ARAP2: variants seen among roughly 807,000 people sequenced by gnomAD.
The protein encoded by ARAP2 is arf-GAP with Rho-GAP domain, ANK repeat and PH domain-containing protein 2.
Under a neutral mutation model 194.5 loss-of-function variants are expected in ARAP2, and 148 were observed. The ratio of observed to expected loss-of-function variants is 0.76; its 90% confidence interval spans 0.67 to 0.87. ARAP2 has a LOEUF of 0.87. Among genes scored for constraint, ARAP2 ranks in the 40% least tolerant of loss-of-function variants. The probability of loss-of-function intolerance (pLI) is 0.00; values close to 1 mark genes in which losing one functional copy is unlikely to be tolerated. For synonymous variants in ARAP2, 695 were observed against 683.5 expected, an observed-to-expected ratio of 1.02 and a Z score of -0.26; for missense variants, 2,128 against 1,989.7, an observed-to-expected ratio of 1.07 and a Z score of -1.32.
At chr4:36,014,272 A>AGAAC (rs1715201352) in intron 8 of ARAP2, among the ~76,000 whole-genome samples, 3 of 145,474 alleles carry the variant, frequency 2.1e-5, no homozygotes, top group African/African-American at 7.7e-5. Flanking sequence ...AAAGAAAGAA[A>AGAAC]GAAAGAAAGA....
chr4:36,111,456 C>T (rs1197723799), intron 26 of ARAP2, among the ~76,000 whole-genome samples: 1 of 151,912 alleles, frequency 6.6e-6, no homozygotes, highest in Non-Finnish European at 1.5e-5. Context: ...GTACAGTTGA[C>T]AAAACATTAA....
intron 19 of ARAP2, among the ~76,000 whole-genome samples, chr4:36,140,527 C>T (rs1049435360): frequency 5.9e-5 from 9 of 151,624 alleles, no homozygotes; most frequent in African/African-American, 2.2e-4. Flanking sequence ...AGCAGTCAAG[C>T]TTATATTGTG....
rs191253953 is a variant in ARAP2 at position 36,054,816 on chromosome 4, T to C, written n.322-2763A>G. Reference sequence around the variant, plus strand: ...GCTGATGACTACTCATATTACACAGTCATCAGAGAAATACTTTTTAAGTAC... The same window carrying C: ...GCTGATGACTACTCATATTACACAGCCATCAGAGAAATACTTTTTAAGTAC... On this transcript the variant is annotated intron_variant and non_coding_transcript_variant, in intron 2 of 12. Coordinates refer to the ARAP2 transcript ENST00000503225. Among the ~76,000 whole-genome samples the C allele has an allele frequency of 3.1e-4, 47 of 152,310 alleles. 1 individual carries two copies. Among genetic ancestry groups the C allele is most frequent in the African/African-American group, 9.9e-4 (41 of 41,568 alleles).
At chr4:36,027,359 C>T (rs1718101861) in intron 5 of ARAP2, among the ~76,000 whole-genome samples, 1 of 151,810 alleles carries the variant, frequency 6.6e-6, no homozygotes, top group African/African-American at 2.4e-5. Context: ...ACCATGCTTC[C>T]TCCCATAGAT....
At chr4:36,195,397 A>C (rs1428132770) in intron 6 of ARAP2, among the ~76,000 whole-genome samples, 1 of 152,230 alleles carries the variant, frequency 6.6e-6, no homozygotes, top group East Asian at 1.9e-4. Context: ...AGAAATATTA[A>C]GCAAACACAA....
intron 9 of ARAP2, among the ~76,000 whole-genome samples, chr4:36,010,148 T>C (rs1714185510): frequency 6.6e-6 from 1 of 151,302 alleles, no homozygotes; most frequent in Non-Finnish European, 1.5e-5. Flanking sequence ...AATAAATAAA[T>C]ATAATTATAT....
intron 2 of ARAP2, among the ~76,000 whole-genome samples, chr4:36,227,678 A>G (rs1179690653): frequency 6.6e-6 from 1 of 152,174 alleles, no homozygotes; most frequent in Non-Finnish European, 1.5e-5. Context: ...GAGCCTGTGC[A>G]GGACGTGTGT....
chr4:36,056,149 A>G (rs1484589066), intron 2 of ARAP2, among the ~76,000 whole-genome samples: 1 of 152,242 alleles, frequency 6.6e-6, no homozygotes, highest in East Asian at 1.9e-4. Flanking sequence ...TTTTCAATAT[A>G]AAACTATAAT....
chr4:36,117,269 G>T, intron 24 of ARAP2, 134 bp from the exon 25 acceptor site: 1 of 579,656 alleles, frequency 1.7e-6, no homozygotes, highest in Non-Finnish European at 2.8e-6. Context: ...CAATTCCCCT[G>T]CTCACAAGCA....
chr4:36,076,150 T>G (rs1728205798), intron 31 of ARAP2, among the ~76,000 whole-genome samples: 1 of 152,180 alleles, frequency 6.6e-6, no homozygotes, highest in Non-Finnish European at 1.5e-5. Context: ...TCCAGTCATA[T>G]CTATAATTGC....
At chr4:36,071,020 G>A (rs1726738514) in intron 32 of ARAP2, among the ~76,000 whole-genome samples, 1 of 151,980 alleles carries the variant, frequency 6.6e-6, no homozygotes, top group Admixed American at 6.6e-5. Context: ...ACAAAGAGAG[G>A]GGCTTATGGG....
chr4:36,147,701 C>A lies in ARAP2; in HGVS notation c.3046G>T (p.Asp1016Tyr), dbSNP rs1729973085. 2 of 1,612,336 alleles carry A rather than the reference C, an allele frequency of 1.2e-6. No homozygotes were observed. The highest frequency in any genetic ancestry group is 1.7e-5 in the Admixed American group (1 of 59,730). The change falls in exon 18 of 33, where the codon GAT becomes TAT. Residue 1016 changes from aspartate (D) to tyrosine (Y), a missense_variant. Asp to Tyr is a radical substitution (Grantham distance 160, BLOSUM62 -3). Coordinates refer to ENST00000303965, the MANE Select transcript of ARAP2 (RefSeq NM_015230.4). ...FAENLTEADY[D>Y]LIGQLFYKDC... is the part of the protein sequence containing the mutation. ...TTGTAGAAGAGTTGACCAATCAAATCATAGTCAGCTTCTGTTAAGTTTTCA... is the reference window on the plus strand; with the variant it reads ...TTGTAGAAGAGTTGACCAATCAAATAATAGTCAGCTTCTGTTAAGTTTTCA...
At chr4:36,203,713 T>C (rs1195067554) in intron 6 of ARAP2, among the ~76,000 whole-genome samples, 7 of 152,030 alleles carry the variant, frequency 4.6e-5, no homozygotes, top group African/African-American at 1.7e-4. Flanking sequence ...CTAAAAAACC[T>C]ACCATGATCG....
In ARAP2 at chr4:36,217,190, T is replaced by A. The variant is rs184274538; in HGVS notation, c.906-2710A>T. 7.9e-5 allele frequency among the ~76,000 whole-genome samples: 12 copies of A among 152,328 alleles called. No individual in the cohort carries two copies. The East Asian group carries it at 2.3e-3, about 29-fold the overall frequency. Reference sequence around the variant, plus strand: ...AAGGATTATAACTTTATATATATATTTTTTGACCTCAAAAGGAGTTGTTTC... The same window carrying A: ...AAGGATTATAACTTTATATATATATATTTTGACCTCAAAAGGAGTTGTTTC... On this transcript the variant is annotated intron_variant, in intron 2 of 32. Coordinates refer to ENST00000303965, the MANE Select transcript of ARAP2 (RefSeq NM_015230.4).
chr4:36,082,218 A>C (rs1045667456), intron 30 of ARAP2, 33 bp downstream of exon 30: 2 of 1,590,354 alleles, frequency 1.3e-6, no homozygotes, highest in Non-Finnish European at 1.7e-6. Flanking sequence ...TCACCAATAT[A>C]TTATGTCCAA....
intron 27 of ARAP2, among the ~76,000 whole-genome samples, chr4:36,103,867 GAAAATT>G (rs886338197): frequency 6.6e-6 from 1 of 151,836 alleles, no homozygotes; most frequent in African/African-American, 2.4e-5. Context: ...AGAAAATTGA[GAAAATT>G]AAAACCCCTT....
rs1376390339 is a variant in ARAP2, at chr4:36,066,025, A to T, written c.*1882T>A. On this transcript the variant is annotated 3_prime_UTR_variant, in exon 33 of 33. Coordinates refer to ENST00000303965, the MANE Select transcript of ARAP2 (RefSeq NM_015230.4). ...CAAGTAGACTTGTAAAACAATTTTAATGTTTACTCAAAATAAATGAGATGT... is the reference window on the plus strand; with the variant it reads ...CAAGTAGACTTGTAAAACAATTTTATTGTTTACTCAAAATAAATGAGATGT... The T allele has an allele frequency of 6.6e-6, 1 of 152,228 alleles. No homozygotes were observed. Among genetic ancestry groups the T allele is most frequent in the Non-Finnish European group, 1.5e-5 (1 of 68,028 alleles). The allele number at this position is 152,228 out of a possible 1,614,324, so 9.4% of individuals were successfully genotyped here.
At chr4:36,143,721 C>A (rs772352338) in intron 19 of ARAP2, among the ~76,000 whole-genome samples, 4 of 151,692 alleles carry the variant, frequency 2.6e-5, no homozygotes, top group East Asian at 3.9e-4. Flanking sequence ...ATTAGCTATA[C>A]GAAGAGATTT....
chr4:36,244,528 G>T (rs1754294745), upstream of ARAP2: 1 of 151,432 alleles, frequency 6.6e-6, no homozygotes, highest in South Asian at 2.1e-4. Flanking sequence ...GCCCGCGGGG[G>T]CGGGGAGCAG....
Sources: allele counts gnomAD v4.1 joint callset (sites outside exome capture counted in the v4.1 genomes callset), GRCh38; gene constraint gnomAD v4.1.1; transcripts MANE v1.5; gene names NCBI Gene and HGNC (gene_info 2026-07-23, HGNC 2026-07-21).